TIAM1: variants seen among roughly 807,000 people sequenced by gnomAD.
TIAM1 encodes TIAM Rac1 associated GEF 1.
A neutral mutation model predicts 163.5 loss-of-function variants in TIAM1; 65 were observed. The ratio of observed to expected loss-of-function variants is 0.40; its 90% CI spans 0.33 to 0.49. The LOEUF (loss-of-function observed/expected upper bound fraction) is 0.49, where lower values mean the gene tolerates loss of function less well. Among genes scored for constraint, TIAM1 ranks in the 20% least tolerant of loss-of-function variants. TIAM1 has a pLI of 0.77. For missense variants in TIAM1, 1,789 were observed against 2,044.7 expected (o/e 0.87, Z 2.41); for synonymous variants, 833 against 810.1 (o/e 1.03, Z -0.48).
chr21:31,202,404 T>A (rs1221970544), intron 12 of TIAM1, among the ~76,000 whole-genome samples: 1 of 149,838 alleles, frequency 6.7e-6, no homozygotes, highest in African/African-American at 2.5e-5. Flanking sequence ...AAAAAAAAAT[T>A]AAAAAATAAA....
Position 31,316,522 on chromosome 21 carries a change from A to G in TIAM1, c.-189+22721T>C, listed in dbSNP as rs558754261. On this transcript the variant is annotated intron_variant, in intron 2 of 27. Coordinates refer to ENST00000541036, the MANE Select transcript of TIAM1 (RefSeq NM_001353694.2). Reference sequence around the variant, plus strand: ...AACAGTGCATTCTTCTCCTCACCCTATGGCTGGGAAACAATAAGCTCTGTC... The same window carrying G: ...AACAGTGCATTCTTCTCCTCACCCTGTGGCTGGGAAACAATAAGCTCTGTC... 7.9e-5 allele frequency among the ~76,000 whole-genome samples: 12 copies of G among 152,266 alleles called. No individual in the cohort carries two copies. The East Asian group carries it at 2.1e-3, about 27-fold the overall frequency.
At chr21:31,345,300 G>C (rs902244632), upstream of TIAM1, among the ~76,000 whole-genome samples, 79 of 151,942 alleles carry the variant, frequency 5.2e-4, no homozygotes, top group African/African-American at 1.5e-3. Context: ...CAAAGACACA[G>C]GCTACAAAAA....
At chr21:31,348,426 G>A (rs1387790478), upstream of TIAM1, among the ~76,000 whole-genome samples, 4 of 152,168 alleles carry the variant, frequency 2.6e-5, no homozygotes, top group East Asian at 1.9e-4. Flanking sequence ...CCTCCTCCTC[G>A]TGTTAGGTGA....
chr21:31,195,394 A>G, intron 12 of TIAM1, 89 bp from the exon 13 acceptor site: 1 of 902,448 alleles, frequency 1.1e-6, no homozygotes, highest in Non-Finnish European at 1.7e-6. Flanking sequence ...TTTTTTCACA[A>G]TTGATACTTA....
intron 16 of TIAM1, among the ~76,000 whole-genome samples, chr21:31,157,486 G>A (rs1224519835): frequency 6.6e-6 from 1 of 152,064 alleles, no homozygotes; most frequent in Non-Finnish European, 1.5e-5. Flanking sequence ...ATAATGATTT[G>A]TATTCACTTA....
At chr21:31,354,871 C>G (rs2076290017) in intron 2 of TIAM1, among the ~76,000 whole-genome samples, 1 of 152,184 alleles carries the variant, frequency 6.6e-6, no homozygotes, top group African/African-American at 2.4e-5. Flanking sequence ...AGCTGACAAT[C>G]CTTGCTGTGG....
At chr21:31,452,304 T>C (rs956669284) in intron 2 of TIAM1, among the ~76,000 whole-genome samples, 1 of 152,176 alleles carries the variant, frequency 6.6e-6, no homozygotes, top group African/African-American at 2.4e-5. Flanking sequence ...CCAGGCATGG[T>C]GGCACACACC....
chr21:31,211,160 T>C (rs146375076), intron 10 of TIAM1, among the ~76,000 whole-genome samples: 2 of 152,256 alleles, frequency 1.3e-5, no homozygotes, highest in East Asian at 3.9e-4. Flanking sequence ...ATCCTCTCCA[T>C]CACTGCCTGA....
intron 12 of TIAM1, among the ~76,000 whole-genome samples, chr21:31,197,199 T>C (rs2085903941): frequency 6.6e-6 from 1 of 152,060 alleles, no homozygotes; most frequent in South Asian, 2.1e-4. Flanking sequence ...TGCGATATAC[T>C]CAGGTAACAA....
chr21:31,218,990 A>AT (rs546139106), intron 8 of TIAM1, among the ~76,000 whole-genome samples: 1 of 133,094 alleles, frequency 7.5e-6, no homozygotes, highest in South Asian at 2.6e-4. Context: ...CTGTCGAGGT[A>AT]TTACAATGTG....
Position 31,251,943 on chromosome 21 carries a change from C to T in TIAM1, c.1210G>A (p.Ala404Thr). The T allele has an allele frequency of 6.2e-7, 1 of 1,613,940 alleles. No homozygotes were observed. The highest frequency in any genetic ancestry group is 8.5e-7 in the Non-Finnish European group (1 of 1,179,926). Residue 404 changes from alanine (A) to threonine (T), a missense_variant, in exon 5 of 28, where the codon GCC becomes ACC. This residue lies in a region of TIAM1 where 555 missense variants were observed against 564.9 expected (regional missense o/e 0.98). Coordinates refer to ENST00000541036, the MANE Select transcript of TIAM1 (RefSeq NM_001353694.2). ...STTNSESLEE[A>T]GSAHSDEQSS... ...TGCTCATCGCTGTGCGCCGAGCCGGCCTCCTCCAGGCTCTCGCTGTTGGTG... is the reference window on the plus strand; with the variant it reads ...TGCTCATCGCTGTGCGCCGAGCCGGTCTCCTCCAGGCTCTCGCTGTTGGTG...
intron 6 of TIAM1, among the ~76,000 whole-genome samples, chr21:31,231,125 C>A: frequency 6.6e-6 from 1 of 151,838 alleles, no homozygotes; most frequent in East Asian, 1.9e-4. Flanking sequence ...CCCGTTGCCA[C>A]GGTCACAGAA....
intron 2 of TIAM1, among the ~76,000 whole-genome samples, chr21:31,353,006 C>A (rs2076259679): frequency 6.6e-6 from 1 of 152,096 alleles, no homozygotes; most frequent in African/African-American, 2.4e-5. Context: ...AAGTGATTTT[C>A]TCTGATTGTA....
chr21:31,237,599 T>C (rs542811854), intron 6 of TIAM1, among the ~76,000 whole-genome samples: 4 of 152,346 alleles, frequency 2.6e-5, no homozygotes, highest in African/African-American at 9.6e-5. Flanking sequence ...TCTTTTAATA[T>C]GCATACAATA....
intron 15 of TIAM1, among the ~76,000 whole-genome samples, chr21:31,174,524 G>A (rs2084671917): frequency 6.6e-6 from 1 of 152,158 alleles, no homozygotes; most frequent in Non-Finnish European, 1.5e-5. Flanking sequence ...ACATGCCATA[G>A]GCCTGCTGTT....
At position 31,152,673 on chromosome 21, in the gene TIAM1, G is replaced by T. The variant is rs761556856; in HGVS notation, c.3329C>A (p.Pro1110His). Reference protein sequence around the residue: ...KTLEDGVRLVPDLEKLEKVDQ... With the variant: ...KTLEDGVRLVHDLEKLEKVDQ... ...AACCTTCTCAAGCTTTTCCAAATCA[G>T]GTACCAGTCTCACTCCATCTTCTAG... is the stretch of plus-strand genomic sequence containing the variant. Residue 1110 changes from proline to histidine, a missense_variant, in exon 19 of 28, where the codon CCT (proline) becomes CAT (histidine). Around this residue, in one of 5 missense-constraint regions of TIAM1, gnomAD observed 303 missense variants for 321.3 expected, o/e 0.94. Transcript: ENST00000541036. 6.2e-7 allele frequency: 1 copy of T among 1,614,074 alleles called. No individual in the cohort carries two copies. Among genetic ancestry groups the T allele is most frequent in the South Asian group, 1.1e-5 (1 of 91,072 alleles).
chr21:31,209,282 T>A (rs189901740), intron 11 of TIAM1, among the ~76,000 whole-genome samples: 1 of 152,340 alleles, frequency 6.6e-6, no homozygotes, highest in Non-Finnish European at 1.5e-5. Flanking sequence ...ATGCTATTCA[T>A]TATGTAAAAA....
chr21:31,188,996 T>A (rs9983480), intron 13 of TIAM1, among the ~76,000 whole-genome samples: 1 of 149,632 alleles, frequency 6.7e-6, no homozygotes, highest in Non-Finnish European at 1.5e-5. Flanking sequence ...CTGAAGCCAA[T>A]TAGATGGAGA....
chr21:31,336,453 A>G (rs1023207042), intron 2 of TIAM1, among the ~76,000 whole-genome samples: 2 of 151,278 alleles, frequency 1.3e-5, no homozygotes, highest in African/African-American at 4.9e-5. Flanking sequence ...AGGCTCACAC[A>G]GAAATGGGCT....
Sources: allele counts gnomAD v4.1 joint callset (sites outside exome capture counted in the v4.1 genomes callset), GRCh38; gene constraint gnomAD v4.1.1; regional missense constraint gnomAD v4.1.1; transcripts MANE v1.5; gene names NCBI Gene and HGNC (gene_info 2026-07-23, HGNC 2026-07-21).